Variants in USP3 observed in about 807,000 individuals in gnomAD.
The protein encoded by USP3 is ubiquitin specific peptidase 3, also known as ubiquitin carboxyl-terminal hydrolase 3.
Under a neutral mutation model 72.3 loss-of-function variants are expected in USP3, and 20 were observed. The ratio of observed to expected loss-of-function variants is 0.28; its 90% CI spans 0.19 to 0.40. The LOEUF (loss-of-function observed/expected upper bound fraction) is 0.40. USP3 is among the 10% of genes least tolerant of loss of function. USP3 has a pLI of 1.00. For missense variants in USP3, 479 were observed against 633.9 expected, an observed-to-expected ratio of 0.76 and a Z score of 2.62; for synonymous variants, 222 against 225.3, an observed-to-expected ratio of 0.99 and a Z score of 0.13.
chr15:63,523,047 G>A (rs954669865), intron 1 of USP3, among the ~76,000 whole-genome samples: 3 of 152,130 alleles, frequency 2.0e-5, no homozygotes, highest in African/African-American at 7.2e-5. Flanking sequence ...TTTTCCTGAA[G>A]TATTTTACAT....
chr15:63,530,547 A>G, intron 1 of USP3: 1 of 391,308 alleles, frequency 2.6e-6, no homozygotes, highest in South Asian at 1.8e-5. Flanking sequence ...TCCTGGACTC[A>G]AGCAATCTGC....
chr15:63,533,824 C>T (rs1201434356), intron 2 of USP3: 2 of 1,240,478 alleles, frequency 1.6e-6, no homozygotes, highest in East Asian at 1.2e-4. Context: ...CCTGAAAATA[C>T]TTTGTACAGA....
intron 1 of USP3, among the ~76,000 whole-genome samples, chr15:63,524,370 G>T (rs893068226): frequency 6.6e-6 from 1 of 152,240 alleles, no homozygotes; most frequent in Non-Finnish European, 1.5e-5. Flanking sequence ...TTTGGTGGGT[G>T]TGGATGATGC....
chr15:63,533,105 A>G (rs971121920), intron 2 of USP3, among the ~76,000 whole-genome samples: 1 of 151,346 alleles, frequency 6.6e-6, no homozygotes, highest in Non-Finnish European at 1.5e-5. Flanking sequence ...TCACCCAGCA[A>G]TTATCAACAC....
chr15:63,564,942 G>T (rs1567118543), intron 8 of USP3, among the ~76,000 whole-genome samples: 1 of 152,178 alleles, frequency 6.6e-6, no homozygotes, highest in Non-Finnish European at 1.5e-5. Flanking sequence ...GCAGGGAGGT[G>T]GGGCTTGCTT....
intron 1 of USP3, among the ~76,000 whole-genome samples, chr15:63,512,268 C>T (rs1357920787): frequency 6.6e-6 from 1 of 150,952 alleles, no homozygotes; most frequent in Non-Finnish European, 1.5e-5. Flanking sequence ...GATTTCCCCT[C>T]TTCTTCTTCT....
rs746122967 is a variant in USP3 at position 63,570,439 on chromosome 15, T to C, written c.768T>C (p.Tyr256=). The change falls in exon 9 of 15, where the codon TAT becomes TAC. Residue 256 remains tyrosine (Y), a synonymous_variant. Coordinates refer to ENST00000380324, the MANE Select transcript of USP3 (RefSeq NM_006537.4). This position sits in a 1 kb window ranked among gnomAD's most constrained non-coding sequence, Gnocchi z 4.4. ...GACTGTTTGTTTGCTTTAGGGGCTA[T>C]CAACAGCAGGACGCCCATGAATTCA... ...VWKIMPNFRG[Y]QQQDAHEFMR... 3.7e-6 allele frequency: 6 copies of C among 1,614,152 alleles called. No individual in the cohort carries two copies. The highest frequency in any genetic ancestry group is 1.7e-4 in the Middle Eastern group (1 of 6,040).
At chr15:63,558,637 G>A (rs1259558242) in intron 6 of USP3, among the ~76,000 whole-genome samples, 1 of 152,126 alleles carries the variant, frequency 6.6e-6, no homozygotes, top group East Asian at 1.9e-4. Context: ...CACTTTGGGA[G>A]GCTGAGGCGG....
chr15:63,572,633 G>T (rs1198128035), intron 9 of USP3, among the ~76,000 whole-genome samples: 1 of 152,148 alleles, frequency 6.6e-6, no homozygotes, highest in African/African-American at 2.4e-5. Context: ...TGCTCGAGTA[G>T]GTTTTGTCAT....
intron 11 of USP3, among the ~76,000 whole-genome samples, chr15:63,578,517 CAGG>C (rs1290450238): frequency 6.8e-6 from 1 of 146,824 alleles, no homozygotes; most frequent in Non-Finnish European, 1.5e-5. Flanking sequence ...GAGGCTGAGG[CAGG>C]AGAATGGTGT....
At chr15:63,521,468 C>T (rs1372930969) in intron 1 of USP3, among the ~76,000 whole-genome samples, 1 of 152,224 alleles carries the variant, frequency 6.6e-6, no homozygotes, top group Non-Finnish European at 1.5e-5. Flanking sequence ...CTACTCCACA[C>T]TTCCACTGTG....
At chr15:63,537,690 T>G (rs1380556121) in intron 3 of USP3, among the ~76,000 whole-genome samples, 2 of 152,148 alleles carry the variant, frequency 1.3e-5, no homozygotes, top group African/African-American at 4.8e-5. Context: ...CCAGGCTATT[T>G]TTTCTTTTTT....
intron 3 of USP3, 47 bp downstream of exon 3, chr15:63,537,203 G>A (rs1567102039): frequency 6.3e-7 from 1 of 1,582,880 alleles, no homozygotes; most frequent in South Asian, 1.2e-5. Context: ...GTGTGCAAGT[G>A]TGCTCTCCTC....
chr15:63,531,798 G>GCTGA (rs921409951), intron 1 of USP3, among the ~76,000 whole-genome samples: 2 of 152,098 alleles, frequency 1.3e-5, no homozygotes, highest in Non-Finnish European at 2.9e-5. Flanking sequence ...CCTCTAGGAG[G>GCTGA]CTGACTAGTG....
rs1035025354 is a variant in USP3, at chr15:63,590,990, TTTG to T, written c.*173_*175del. 53 of 806,724 alleles carry T rather than the reference TTTG, an allele frequency of 6.6e-5. No individual in the cohort carries two copies. The highest frequency in any genetic ancestry group is 3.2e-4 in the African/African-American group (18 of 56,140). 50.0% of individuals were successfully genotyped at this position (806,724 alleles called of 1,614,324 possible). The stretch of plus-strand genomic sequence containing the variant: ...TTACTGAACATGGGCACCAACTAAT[TTTG>T]TTGTTGTTCTACCAGAAAACCTCAG... On this transcript the variant is annotated 3_prime_UTR_variant, in exon 15 of 15. Coordinates refer to ENST00000380324, the MANE Select transcript of USP3 (RefSeq NM_006537.4).
chr15:63,565,467 T>C (rs907166203), intron 8 of USP3, among the ~76,000 whole-genome samples: 1 of 152,226 alleles, frequency 6.6e-6, no homozygotes, highest in African/African-American at 2.4e-5. Flanking sequence ...TGTATTTTCT[T>C]AAATAGGCAA....
intron 1 of USP3, among the ~76,000 whole-genome samples, chr15:63,507,271 C>G (rs960125106): frequency 1.3e-5 from 2 of 152,110 alleles, no homozygotes; most frequent in African/African-American, 4.8e-5. Flanking sequence ...TGCAATTATA[C>G]CACGGTAAGA....
chr15:63,571,073 A>G (rs1378000844), intron 9 of USP3, among the ~76,000 whole-genome samples: 2 of 152,194 alleles, frequency 1.3e-5, no homozygotes, highest in Admixed American at 6.5e-5. Flanking sequence ...TTGCCTCTCA[A>G]TATGAATAAA....
At chr15:63,506,760 A>G (rs1161801809) in intron 1 of USP3, among the ~76,000 whole-genome samples, 1 of 152,236 alleles carries the variant, frequency 6.6e-6, no homozygotes, top group African/African-American at 2.4e-5. Context: ...AAGGGGTAGG[A>G]TGACATCTTT....
Sources: gnomAD v4.1 joint callset for allele counts (sites outside exome capture counted in the v4.1 genomes callset) on GRCh38, gnomAD v4.1.1 for gene constraint, Gnocchi (gnomAD v3.1) non-coding constraint, MANE v1.5 for transcripts, NCBI Gene and HGNC (gene_info 2026-07-23, HGNC 2026-07-21) for gene names.